TAOK3: variants seen among roughly 807,000 people sequenced by gnomAD.
The protein encoded by TAOK3 is TAO kinase 3.
A neutral mutation model predicts 120.4 loss-of-function variants in TAOK3; 40 were observed. The ratio of observed to expected loss-of-function variants is 0.33; its 90% CI spans 0.26 to 0.43. The LOEUF is 0.43. Among genes scored for constraint, TAOK3 ranks in the 20% least tolerant of loss-of-function variants. TAOK3 has a pLI of 1.00. For synonymous variants in TAOK3, 355 were observed against 387.5 expected (o/e 0.92, Z 0.99); for missense variants, 821 against 1,112.1 (o/e 0.74, Z 3.72).
At chr12:118,352,113 C>G (rs2045195941) in intron 1 of TAOK3, among the ~76,000 whole-genome samples, 1 of 151,448 alleles carries the variant, frequency 6.6e-6, no homozygotes. Context: ...ACCTCGTGGT[C>G]CGCCCACCTC....
intron 20 of TAOK3, 149 bp from the exon 21 acceptor site, chr12:118,151,307 ACAC>A: frequency 3.2e-6 from 2 of 616,636 alleles, no homozygotes; most frequent in East Asian, 5.6e-5. Flanking sequence ...ACACACACAC[ACAC>A]ACACACACAG....
At chr12:118,219,211 C>A (rs1225835383) in intron 9 of TAOK3, among the ~76,000 whole-genome samples, 1 of 152,194 alleles carries the variant, frequency 6.6e-6, no homozygotes. Context: ...GGTCTGGACA[C>A]CCCTCTCCCT....
At chr12:118,344,901 G>A (rs1477761919) in intron 1 of TAOK3, among the ~76,000 whole-genome samples, 1 of 151,930 alleles carries the variant, frequency 6.6e-6, no homozygotes, top group Non-Finnish European at 1.5e-5. Context: ...GAATCACCCA[G>A]CATGTCTTTG....
At chr12:118,239,924 TG>T (rs1413577353) in intron 5 of TAOK3, among the ~76,000 whole-genome samples, 2 of 152,114 alleles carry the variant, frequency 1.3e-5, no homozygotes, top group Non-Finnish European at 2.9e-5. Context: ...CCCAGCACTT[TG>T]GGAGGCTGAG....
At chr12:118,208,853 C>A (rs891777268) in intron 11 of TAOK3, among the ~76,000 whole-genome samples, 2 of 151,850 alleles carry the variant, frequency 1.3e-5, no homozygotes, top group Non-Finnish European at 2.9e-5. Flanking sequence ...CTGGGATTAT[C>A]GACGCATGCC....
chr12:118,316,586 T>G (rs1163563476), intron 1 of TAOK3, among the ~76,000 whole-genome samples: 2 of 152,098 alleles, frequency 1.3e-5, no homozygotes, highest in African/African-American at 4.8e-5. Flanking sequence ...TCTTTTTTTT[T>G]TTGATTGTTA....
At chr12:118,155,232 G>A (rs1239937982) in intron 19 of TAOK3, among the ~76,000 whole-genome samples, 3 of 152,152 alleles carry the variant, frequency 2.0e-5, no homozygotes, top group African/African-American at 4.8e-5. Context: ...CTGACCTCCG[G>A]TGATCCACCC....
chr12:118,246,660 G>C (rs1266101362), intron 3 of TAOK3: 2 of 1,568,066 alleles, frequency 1.3e-6, no homozygotes, highest in African/African-American at 2.7e-5. Context: ...CTCTGTGCTG[G>C]TGCGCCTCAT....
intron 9 of TAOK3, among the ~76,000 whole-genome samples, chr12:118,229,754 AC>A (rs1165876151): frequency 6.6e-6 from 1 of 151,768 alleles, no homozygotes; most frequent in Non-Finnish European, 1.5e-5. Flanking sequence ...ACACGATGAA[AC>A]CCCGTCTCTA....
rs558463267 is a variant in TAOK3, at chr12:118,304,059, T to C, written c.-193-37300A>G. Among the ~76,000 whole-genome samples, 4 of 152,348 alleles carry C rather than the reference T, an allele frequency of 2.6e-5. No individual in the cohort carries two copies. In the South Asian group the frequency reaches 8.3e-4, roughly 32 times the overall value. On this transcript the variant is annotated intron_variant, in intron 1 of 20. Transcript: ENST00000392533. ...CAACAACACTTTGCTGAAGAGAGTC[T>C]GGCACTGTTTCAGTGAAGTCATTAT...
chr12:118,228,094 T>C (rs916709576), intron 9 of TAOK3, among the ~76,000 whole-genome samples: 2 of 152,106 alleles, frequency 1.3e-5, no homozygotes, highest in African/African-American at 4.8e-5. Flanking sequence ...CTCCAGTGTT[T>C]ACTGTTCTAG....
At chr12:118,216,192 G>A (rs535273018) in intron 9 of TAOK3, among the ~76,000 whole-genome samples, 23 of 152,154 alleles carry the variant, frequency 1.5e-4, no homozygotes, top group Admixed American at 9.8e-4. Flanking sequence ...GTGAGACCCC[G>A]TCTTAAACCA....
At chr12:118,220,716 A>G (rs916865066) in intron 9 of TAOK3, among the ~76,000 whole-genome samples, 5 of 152,086 alleles carry the variant, frequency 3.3e-5, no homozygotes, top group Admixed American at 6.6e-5. Context: ...TTGAAGCAGC[A>G]AAGAGAAGGC....
At chr12:118,155,635 G>T (rs1281914894) in intron 19 of TAOK3, among the ~76,000 whole-genome samples, 2 of 152,182 alleles carry the variant, frequency 1.3e-5, no homozygotes, top group African/African-American at 4.8e-5. Flanking sequence ...ATGCTGTAAT[G>T]ATCACACACT....
intron 14 of TAOK3, among the ~76,000 whole-genome samples, chr12:118,184,733 A>G (rs1233071788): frequency 6.6e-6 from 1 of 152,230 alleles, no homozygotes; most frequent in African/African-American, 2.4e-5. Context: ...TTACAATGGC[A>G]GTCTCAAAAA....
intron 3 of TAOK3, among the ~76,000 whole-genome samples, chr12:118,253,005 C>A (rs1019171064): frequency 1.5e-4 from 23 of 152,178 alleles, no homozygotes; most frequent in African/African-American, 5.3e-4. Context: ...GGATTACAGG[C>A]GTGAGCCACT....
At chr12:118,175,610 A>G (rs1435973031) in intron 16 of TAOK3, among the ~76,000 whole-genome samples, 1 of 152,126 alleles carries the variant, frequency 6.6e-6, no homozygotes, top group Non-Finnish European at 1.5e-5. Context: ...TTGGGCAACA[A>G]GAGCGAAACT....
intron 11 of TAOK3, 28 bp from the exon 12 acceptor site, chr12:118,201,491 CTGA>C: frequency 6.3e-7 from 1 of 1,588,090 alleles, no homozygotes; most frequent in Non-Finnish European, 8.6e-7. Flanking sequence ...AAAAAATAAA[CTGA>C]TAATGAAGAA....
In TAOK3 at chr12:118,244,946, C is replaced by T. The variant is rs428073; in HGVS notation, c.140G>A (p.Ser47Asn). The T allele has an allele frequency of 0.7, 1,122,076 of 1,604,326 alleles. 393,646 individuals are homozygous for T. Among genetic ancestry groups the T allele is most frequent in the Admixed American group, 0.76 (45,447 of 59,858 alleles). ...AVYFATNAHT[S>N]EVVAIKKMSY... ...CATCTTCTTAATTGCCACCACCTCA[C>T]TGGTGTGAGCATTTGTAGCCTGTGT... Residue 47 changes from serine (S) to asparagine (N), a missense_variant, in exon 4 of 21, where the codon AGT (serine) becomes AAT (asparagine). Ser to Asn is a conservative substitution (Grantham distance 46). This residue lies in a region of TAOK3 where 467 missense variants were observed against 540.0 expected (regional missense o/e 0.86). Transcript: ENST00000392533.
Sources: gnomAD v4.1 joint callset for allele counts (sites outside exome capture counted in the v4.1 genomes callset) on GRCh38, gnomAD v4.1.1 for gene constraint, gnomAD v4.1.1 regional missense constraint, MANE v1.5 for transcripts, NCBI Gene and HGNC (gene_info 2026-07-23, HGNC 2026-07-21) for gene names.